The following NPAS3 variants were observed in gnomAD, a reference collection of about 807,000 sequenced individuals.
NPAS3 encodes neuronal PAS domain-containing protein 3.
Under a neutral mutation model 73.1 loss-of-function variants are expected in NPAS3, and 14 were observed. The observed-to-expected ratio is 0.19, with a 90% CI of 0.13 to 0.30. The LOEUF (loss-of-function observed/expected upper bound fraction) is 0.30. Ranked by LOEUF, NPAS3 falls within the 10% of genes least tolerant of loss-of-function variation. The pLI, the probability that NPAS3 is intolerant of heterozygous loss-of-function variation, is 1.00. For missense variants in NPAS3, 1,096 were observed against 1,250.0 expected, an observed-to-expected ratio of 0.88 and a Z score of 1.86; for synonymous variants, 620 against 541.5, an observed-to-expected ratio of 1.14 and a Z score of -2.01.
chr14:33,334,829 C>T (rs1046690974), intron 3 of NPAS3, among the ~76,000 whole-genome samples: 6 of 152,098 alleles, frequency 3.9e-5, no homozygotes. Context: ...CCCTCGCCAT[C>T]CCCCAACCTT....
intron 3 of NPAS3, among the ~76,000 whole-genome samples, chr14:33,273,444 A>T (rs1256478721): frequency 6.6e-6 from 1 of 152,136 alleles, no homozygotes; most frequent in Non-Finnish European, 1.5e-5. Context: ...ACTTGGAGAA[A>T]ATTTCAGAGG....
intron 3 of NPAS3, among the ~76,000 whole-genome samples, chr14:33,243,139 A>G (rs2048264915): frequency 6.6e-6 from 1 of 152,146 alleles, no homozygotes; most frequent in South Asian, 2.1e-4. Context: ...TTTATTTTAA[A>G]TATATATCTA....
chr14:33,509,951 T>G (rs188681236), intron 4 of NPAS3, among the ~76,000 whole-genome samples: 16 of 152,130 alleles, frequency 1.1e-4, no homozygotes, highest in African/African-American at 3.9e-4. Context: ...TAGCATCAAA[T>G]CTAAAGTCTA....
intron 3 of NPAS3, among the ~76,000 whole-genome samples, chr14:33,289,232 T>C (rs1158622462): frequency 1.3e-5 from 2 of 152,130 alleles, no homozygotes; most frequent in Non-Finnish European, 2.9e-5. Context: ...AACATGTGCC[T>C]CGTAAGTTTT....
At chr14:33,199,056 G>C (rs967471718) in intron 2 of NPAS3, among the ~76,000 whole-genome samples, 1 of 152,050 alleles carries the variant, frequency 6.6e-6, no homozygotes, top group African/African-American at 2.4e-5. Context: ...CCGAGCCCAC[G>C]CCCACCTGGA....
intron 4 of NPAS3, among the ~76,000 whole-genome samples, chr14:33,404,742 A>G (rs1339916496): frequency 6.6e-6 from 1 of 152,152 alleles, no homozygotes; most frequent in Non-Finnish European, 1.5e-5. Flanking sequence ...ACACTTTATG[A>G]AAATGACATA....
At chr14:33,486,079 G>C (rs999042375) in intron 4 of NPAS3, among the ~76,000 whole-genome samples, 4 of 151,964 alleles carry the variant, frequency 2.6e-5, no homozygotes, top group African/African-American at 4.8e-5. Context: ...AGGCCTCACT[G>C]TATGGTTGTC....
intron 4 of NPAS3, among the ~76,000 whole-genome samples, chr14:33,427,521 C>G (rs909063633): frequency 6.6e-6 from 1 of 151,594 alleles, no homozygotes; most frequent in Admixed American, 6.6e-5. Flanking sequence ...CGGAGCATCA[C>G]CCTCTCCGTG....
chr14:33,266,033 A>C (rs2040801606), intron 3 of NPAS3, among the ~76,000 whole-genome samples: 1 of 151,782 alleles, frequency 6.6e-6, no homozygotes, highest in Non-Finnish European at 1.5e-5. Flanking sequence ...ATACACACAC[A>C]TTTATTTAGA....
At chr14:33,049,645 A>G (rs892114150) in intron 1 of NPAS3, among the ~76,000 whole-genome samples, 2 of 152,204 alleles carry the variant, frequency 1.3e-5, no homozygotes, top group African/African-American at 4.8e-5. Flanking sequence ...ACACATGGGA[A>G]TTATAGGAGC....
intron 4 of NPAS3, among the ~76,000 whole-genome samples, chr14:33,395,584 A>C (rs1312105342): frequency 6.6e-6 from 1 of 152,104 alleles, no homozygotes; most frequent in Admixed American, 6.6e-5. Flanking sequence ...ACATACATGT[A>C]TATATTATGT....
intron 9 of NPAS3, among the ~76,000 whole-genome samples, chr14:33,788,311 A>G (rs2063241121): frequency 6.6e-6 from 1 of 152,204 alleles, no homozygotes; most frequent in African/African-American, 2.4e-5. Flanking sequence ...GGCGCCACAG[A>G]TGCGTCCTCC....
chr14:33,773,699 G>T (rs376732124), intron 7 of NPAS3, among the ~76,000 whole-genome samples: 2 of 152,234 alleles, frequency 1.3e-5, no homozygotes, highest in East Asian at 3.9e-4. Flanking sequence ...CCCTACTTTA[G>T]TATGAGCTCC....
chr14:33,769,756 CTTTT>C (rs916953785), intron 7 of NPAS3, among the ~76,000 whole-genome samples: 8 of 81,856 alleles, frequency 9.8e-5, no homozygotes, highest in Admixed American at 1.8e-4. Context: ...TTTTTTTTTT[CTTTT>C]TTTTTTTTTT....
intron 6 of NPAS3, among the ~76,000 whole-genome samples, chr14:33,718,776 C>T (rs978267895): frequency 1.6e-4 from 25 of 152,102 alleles, no homozygotes; most frequent in Admixed American, 2.0e-4. Context: ...CATAATATTA[C>T]GCCCTTCGTA....
intron 7 of NPAS3, among the ~76,000 whole-genome samples, chr14:33,773,459 C>T (rs1005817264): frequency 6.6e-6 from 1 of 152,158 alleles, no homozygotes; most frequent in Non-Finnish European, 1.5e-5. Context: ...GGCATAGTGG[C>T]ACAAATCCTG....
chr14:33,749,661 G>T (rs2061902381), intron 7 of NPAS3, among the ~76,000 whole-genome samples: 1 of 152,130 alleles, frequency 6.6e-6, no homozygotes, highest in Non-Finnish European at 1.5e-5. Flanking sequence ...CACAGCGGAG[G>T]ACTGTTAAGC....
intron 7 of NPAS3, among the ~76,000 whole-genome samples, chr14:33,772,955 G>A (rs560064860): frequency 5.9e-5 from 9 of 152,238 alleles, no homozygotes; most frequent in East Asian, 1.9e-4. Flanking sequence ...GGGCGCCGAC[G>A]TGAAGGGTGA....
At chr14:33,115,594 T>C (rs768079866) in intron 2 of NPAS3, among the ~76,000 whole-genome samples, 2 of 152,064 alleles carry the variant, frequency 1.3e-5, no homozygotes, top group Admixed American at 1.3e-4. Flanking sequence ...AGACATTGAG[T>C]AAAGAAAGTA....
Sources: gnomAD v4.1 joint callset for allele counts (sites outside exome capture counted in the v4.1 genomes callset) on GRCh38, gnomAD v4.1.1 for gene constraint, MANE v1.5 for transcripts, NCBI Gene and HGNC (gene_info 2026-07-23, HGNC 2026-07-21) for gene names.